Variants in DOCK11 observed in about 807,000 individuals in gnomAD.
DOCK11 encodes dedicator of cytokinesis 11.
DOCK11 carries 70 observed loss-of-function variants against 169.1 expected under a neutral mutation model. The observed-to-expected ratio is 0.41, with a 90% CI of 0.34 to 0.51. The LOEUF (loss-of-function observed/expected upper bound fraction) is 0.51. Ranked by LOEUF, DOCK11 falls within the 20% of genes least tolerant of loss-of-function variation. The pLI, the probability that DOCK11 is intolerant of heterozygous loss-of-function variation, is 0.10. For synonymous variants in DOCK11, 529 were observed against 541.3 expected, an observed-to-expected ratio of 0.98 and a Z score of 0.32; for missense variants, 1,166 against 1,538.8, an observed-to-expected ratio of 0.76 and a Z score of 4.05.
intron 23 of DOCK11, 54 bp downstream of exon 23, chrX:118,599,282 C>T: frequency 1.1e-6 from 1 of 938,868 alleles, no homozygotes; most frequent in African/African-American, 2.0e-5. Flanking sequence ...CTTTCTGTTG[C>T]CACATTTTGG....
Position 118,681,718 on chromosome X carries a change from G to A in DOCK11, c.5887G>A (p.Ala1963Thr), listed in dbSNP as rs372595291. Reference protein sequence around the residue: ...VQVNAGPLAYARAFLNDSQAS... With the variant: ...VQVNAGPLAYTRAFLNDSQAS... Reference sequence around the variant, plus strand: ...GGTCAATGCTGGTCCATTAGCATATGCAAGAGCTTTCTTAAATGACAGCCA... The same window carrying A: ...GGTCAATGCTGGTCCATTAGCATATACAAGAGCTTTCTTAAATGACAGCCA... The change falls in exon 51 of 53, where the codon GCA becomes ACA. Residue 1963 changes from alanine (A) to threonine (T), a missense_variant. Transcript: ENST00000276202. The A allele has an allele frequency of 5.8e-6, 7 of 1,203,327 alleles. No homozygotes were observed. The highest frequency in any genetic ancestry group is 7.8e-6 in the Non-Finnish European group (7 of 891,980).
chrX:118,516,006 T>TATATATATATATATATATATATATAC, intron 1 of DOCK11, among the ~76,000 whole-genome samples: 1 of 81,715 alleles, frequency 1.2e-5, no homozygotes, highest in Non-Finnish European at 2.2e-5. Flanking sequence ...TTTGGGCAAA[T>TATATATATATATATATATATATATAC]ATATATATAT....
intron 12 of DOCK11, among the ~76,000 whole-genome samples, chrX:118,577,608 A>G (rs2013488118): frequency 9.0e-6 from 1 of 111,669 alleles, no homozygotes; most frequent in Non-Finnish European, 1.9e-5. Context: ...TGAATCAGCC[A>G]TTACGCAGGA....
At chrX:118,498,723 G>A (rs748050990) in intron 1 of DOCK11, among the ~76,000 whole-genome samples, 2 of 111,621 alleles carry the variant, frequency 1.8e-5, no homozygotes, top group African/African-American at 6.5e-5. Flanking sequence ...AACCCACCAA[G>A]CTGTACAAAT....
intron 1 of DOCK11, among the ~76,000 whole-genome samples, chrX:118,533,192 A>G (rs939109338): frequency 1.4e-4 from 16 of 111,091 alleles, no homozygotes; most frequent in African/African-American, 5.2e-4. Flanking sequence ...GGGTTTCACC[A>G]TGTTGGCCGG....
Position 118,657,215 on chromosome X carries a change from G to C in DOCK11, c.4969+2254G>C, listed in dbSNP as rs922628331. On this transcript the variant is annotated intron_variant, in intron 44 of 52. Transcript: ENST00000276202. Reference sequence around the variant, plus strand: ...CCAAACTGATACATTTCAGGAAGTGGAAATAATATTTTCAACTAGCCATTT... The same window carrying C: ...CCAAACTGATACATTTCAGGAAGTGCAAATAATATTTTCAACTAGCCATTT... 9.0e-5 allele frequency among the ~76,000 whole-genome samples: 10 copies of C among 111,032 alleles called. No homozygotes were observed. In the South Asian group the frequency reaches 3.8e-3, roughly 42 times the overall value.
Position 118,627,590 on chromosome X carries a change from C to T in DOCK11, c.3664+11C>T, listed in dbSNP as rs1326452792. On this transcript the variant is annotated intron_variant, in intron 33 of 52. Coordinates refer to ENST00000276202, the MANE Select transcript of DOCK11 (RefSeq NM_144658.4). ...CTGACAAAGACACCGGTAATTAAAC[C>T]TTTTGGAGATGATACATTGCGTGGG... The T allele has an allele frequency of 2.6e-6, 3 of 1,175,747 alleles. No homozygotes were observed. The highest frequency in any genetic ancestry group is 1.8e-5 in the African/African-American group (1 of 56,983).
At position 118,573,421 on chromosome X, in the gene DOCK11, CAGAAG is replaced by C. The variant is rs375620670; in HGVS notation, c.1177-378_1177-374del. ...TATAGTCAAGTAAGTTGGAACATAA[CAGAAG>C]AGAAGATTTATTTCTATACTGTAAT... On this transcript the variant is annotated intron_variant, in intron 11 of 52. Coordinates refer to ENST00000276202, the MANE Select transcript of DOCK11 (RefSeq NM_144658.4). 4.4e-3 allele frequency among the ~76,000 whole-genome samples: 492 copies of C among 112,549 alleles called. 2 individuals are homozygous for C. Among genetic ancestry groups the C allele is most frequent in the African/African-American group, 0.015 (461 of 31,026 alleles).
At chrX:118,546,391 A>C (rs1455479965) in intron 6 of DOCK11, among the ~76,000 whole-genome samples, 1 of 111,263 alleles carries the variant, frequency 9.0e-6, no homozygotes, top group Non-Finnish European at 1.9e-5. Context: ...AGCTTTGAAA[A>C]ATGGGCATCA....
chrX:118,542,255 C>T (rs1304053693), intron 1 of DOCK11, among the ~76,000 whole-genome samples: 1 of 108,667 alleles, frequency 9.2e-6, no homozygotes, highest in Non-Finnish European at 1.9e-5. Context: ...ACTACAACCT[C>T]AACCTCCCAG....
intron 6 of DOCK11, among the ~76,000 whole-genome samples, chrX:118,555,390 A>G (rs867765514): frequency 2.4e-4 from 26 of 109,889 alleles, no homozygotes; most frequent in African/African-American, 8.6e-4. Context: ...CCCTGTCTCC[A>G]CTAAAAAGAC....
intron 1 of DOCK11, among the ~76,000 whole-genome samples, chrX:118,505,146 C>A (rs978037585): frequency 8.0e-5 from 9 of 112,072 alleles, no homozygotes; most frequent in African/African-American, 2.6e-4. Context: ...ATCTCAGCCT[C>A]CCTAGTAGCT....
At chrX:118,644,421 TTAATA>T (rs2015605663) in intron 40 of DOCK11, among the ~76,000 whole-genome samples, 1 of 112,158 alleles carries the variant, frequency 8.9e-6, no homozygotes, top group African/African-American at 3.2e-5. Flanking sequence ...TTGCCATTCT[TTAATA>T]TAATTTATGA....
At chrX:118,508,682 C>T (rs1018179576) in intron 1 of DOCK11, among the ~76,000 whole-genome samples, 32 of 111,900 alleles carry the variant, frequency 2.9e-4, no homozygotes, top group African/African-American at 1.0e-3. Flanking sequence ...ACGACATGCT[C>T]TATAGTTTGT....
intron 23 of DOCK11, among the ~76,000 whole-genome samples, chrX:118,601,801 A>G (rs2014346164): frequency 9.0e-6 from 1 of 111,314 alleles, no homozygotes; most frequent in Non-Finnish European, 1.9e-5. Context: ...TTTTTGAGAC[A>G]GGGTCTCACT....
chrX:118,682,988 A>G lies in DOCK11; in HGVS notation c.5964-91A>G, dbSNP rs947787576. Reference sequence around the variant, plus strand: ...AGGATTCTGATCTTCTTCCTAGGCAAGCCATGGCTAAACTGAGTTATCAAA... The same window carrying G: ...AGGATTCTGATCTTCTTCCTAGGCAGGCCATGGCTAAACTGAGTTATCAAA... On this transcript the variant is annotated intron_variant, in intron 51 of 52. Transcript: ENST00000276202. 4.5e-6 allele frequency: 4 copies of G among 881,440 alleles called. No individual in the cohort carries two copies. The African/African-American group carries it at 8.2e-5, about 18-fold the overall frequency. The allele number at this position is 881,440 out of a possible 1,213,427, so 72.6% of individuals were successfully genotyped here.
intron 50 of DOCK11, 45 bp from the exon 51 acceptor site, chrX:118,681,649 A>G (rs1422853000): frequency 1.0e-6 from 1 of 972,232 alleles, no homozygotes; most frequent in Non-Finnish European, 1.4e-6. Flanking sequence ...TCTTTTGATT[A>G]TTGCATTCTG....
intron 40 of DOCK11, among the ~76,000 whole-genome samples, chrX:118,647,275 A>G (rs1017255848): frequency 1.3e-4 from 13 of 103,898 alleles, no homozygotes; most frequent in Middle Eastern, 4.8e-3. Context: ...GATGTTCACA[A>G]TAAAGGAACT....
At chrX:118,579,799 A>T (rs1004153990) in intron 13 of DOCK11, among the ~76,000 whole-genome samples, 3 of 111,830 alleles carry the variant, frequency 2.7e-5, no homozygotes, top group African/African-American at 9.8e-5. Context: ...GTACATGTTA[A>T]AACCACTGAA....
Sources: allele counts gnomAD v4.1 joint callset (sites outside exome capture counted in the v4.1 genomes callset), GRCh38; gene constraint gnomAD v4.1.1; transcripts MANE v1.5; gene names NCBI Gene and HGNC (gene_info 2026-07-23, HGNC 2026-07-21).